TATDN2: variants seen among roughly 807,000 people sequenced by gnomAD.
The protein encoded by TATDN2 is 3'-5' RNA nuclease TATDN2.
TATDN2 carries 44 observed loss-of-function variants against 60.3 expected under a neutral mutation model. That is an observed-to-expected ratio of 0.73 (90% confidence interval 0.57 to 0.94). The LOEUF (loss-of-function observed/expected upper bound fraction) is 0.94. TATDN2 is among the 40% of genes least tolerant of loss of function. The probability of loss-of-function intolerance (pLI) is 0.00; values close to 1 mark genes in which losing one functional copy is unlikely to be tolerated. For missense variants in TATDN2, 997 were observed against 948.0 expected (o/e 1.05, Z -0.68); for synonymous variants, 399 against 355.8 (o/e 1.12, Z -1.37).
chr3:10,274,170 C>T (rs536426340), intron 4 of TATDN2, among the ~76,000 whole-genome samples: 1 of 152,248 alleles, frequency 6.6e-6, no homozygotes, highest in African/African-American at 2.4e-5. Flanking sequence ...AGGACAAATG[C>T]TGCAAATAGC....
At chr3:10,261,597 T>C (rs1441795156) in intron 3 of TATDN2, among the ~76,000 whole-genome samples, 1 of 152,170 alleles carries the variant, frequency 6.6e-6, no homozygotes, top group African/African-American at 2.4e-5. Flanking sequence ...CTCGAACTCC[T>C]GACCTCGTGA....
At chr3:10,276,543 TTGA>T in intron 5 of TATDN2, 55 bp downstream of exon 5, 3 of 1,591,692 alleles carry the variant, frequency 1.9e-6, no homozygotes, top group Non-Finnish European at 2.6e-6. Flanking sequence ...CTCTGTCAAG[TTGA>T]TGAGGACAGC....
At chr3:10,249,971 T>C (rs1235367283) in intron 2 of TATDN2, among the ~76,000 whole-genome samples, 1 of 152,136 alleles carries the variant, frequency 6.6e-6, no homozygotes. Context: ...TGCAGCCCCG[T>C]TGGAGAATCA....
At chr3:10,262,404 C>T (rs1698419450) in intron 3 of TATDN2, among the ~76,000 whole-genome samples, 1 of 151,940 alleles carries the variant, frequency 6.6e-6, no homozygotes, top group African/African-American at 2.4e-5. Context: ...TTTTGGTAAA[C>T]ATGTGTCTGA....
At chr3:10,254,405 G>C (rs983351078) in intron 2 of TATDN2, among the ~76,000 whole-genome samples, 1 of 152,192 alleles carries the variant, frequency 6.6e-6, no homozygotes, top group African/African-American at 2.4e-5. Flanking sequence ...AATGCTGCTT[G>C]TCTGGAGTGC....
rs149070309 is a variant in TATDN2 at position 10,249,410 on chromosome 3, C to T, written c.210C>T (p.Ser70=). Residue 70 remains serine, a synonymous_variant, in exon 2 of 8, where the codon TCC becomes TCT. Coordinates refer to ENST00000448281, the MANE Select transcript of TATDN2 (RefSeq NM_014760.4). ...ATGTGGCTTGCTCGCGGAGGTTATC[C>T]TGGGGCTCATCCCGCCGCAGAAATA... The part of the protein sequence containing the change: ...EDDVACSRRL[S]WGSSRRRNNS... 4,013 of 1,613,420 alleles carry T rather than the reference C, an allele frequency of 2.5e-3. 81 individuals are homozygous for T. The African/African-American group carries it at 0.046, about 18-fold the overall frequency.
chr3:10,249,575 A>G lies in TATDN2; in HGVS notation c.375A>G (p.Glu125=). The G allele has an allele frequency of 6.5e-7, 1 of 1,544,274 alleles. No homozygotes were observed. The highest frequency in any genetic ancestry group is 8.7e-7 in the Non-Finnish European group (1 of 1,147,722). ...SPLRPANASL[E]EMASLEEEAC... ...TGCGTCCTGCCAACGCCTCTTTGGA[A>G]GAAATGGCTTCTCTAGAGGAGGAAG... is the stretch of plus-strand genomic sequence containing the variant. Residue 125 remains glutamate, a synonymous_variant, in exon 2 of 8, where the codon GAA becomes GAG. Coordinates refer to ENST00000448281, the MANE Select transcript of TATDN2 (RefSeq NM_014760.4).
intron 3 of TATDN2, among the ~76,000 whole-genome samples, chr3:10,264,144 G>A (rs2125176426): frequency 6.6e-6 from 1 of 152,294 alleles, no homozygotes; most frequent in African/African-American, 2.4e-5. Flanking sequence ...AGTATGAGGA[G>A]GGAATCTGGG....
chr3:10,249,127 T>G, intron 1 of TATDN2, 60 bp downstream of exon 1: 1 of 1,473,916 alleles, frequency 6.8e-7, no homozygotes, highest in African/African-American at 1.4e-5. Context: ...GGGCCCGGGG[T>G]GGCGGGAATC....
chr3:10,253,846 C>G (rs980102093), intron 2 of TATDN2, among the ~76,000 whole-genome samples: 7 of 152,214 alleles, frequency 4.6e-5, no homozygotes, highest in African/African-American at 1.7e-4. Context: ...AATAAGCTGA[C>G]CAAGGCCATG....
Position 10,252,683 on chromosome 3 carries a change from G to C in TATDN2, c.414+3069G>C, listed in dbSNP as rs374587615. 1.1e-3 allele frequency among the ~76,000 whole-genome samples: 166 copies of C among 147,322 alleles called. 2 individuals are homozygous for C. The highest frequency in any genetic ancestry group is 3.7e-3 in the African/African-American group (152 of 40,926). ...GTCCTCTCACTGCTCTCCTGTGTCTGCTCTGTAAACTTTTTTTTTTTGTTT... is the reference window on the plus strand; with the variant it reads ...GTCCTCTCACTGCTCTCCTGTGTCTCCTCTGTAAACTTTTTTTTTTTGTTT... On this transcript the variant is annotated intron_variant, in intron 2 of 7. Coordinates refer to ENST00000448281, the MANE Select transcript of TATDN2 (RefSeq NM_014760.4).
At position 10,270,981 on chromosome 3, in the gene TATDN2, A is replaced by C. The variant is rs1383212473; in HGVS notation, c.1799A>C (p.Tyr600Ser). Residue 600 changes from tyrosine to serine, a missense_variant, in exon 4 of 8, where the codon TAC (tyrosine) becomes TCC (serine). Tyr to Ser is a moderately radical substitution (Grantham distance 144, BLOSUM62 -2). Transcript: ENST00000448281. ...GGAGAAATGGGCTTGGATTACTCTT[A>C]CAAGTGCACCACGCCTGTCCCAGAA... is the stretch of plus-strand genomic sequence containing the variant. ...AFGEMGLDYS[Y>S]KCTTPVPEQH... The C allele has an allele frequency of 3.1e-6, 5 of 1,608,008 alleles. No individual in the cohort carries two copies. The highest frequency in any genetic ancestry group is 4.2e-6 in the Non-Finnish European group (5 of 1,177,432).
At chr3:10,265,866 G>A (rs1195025652) in intron 3 of TATDN2, among the ~76,000 whole-genome samples, 6 of 152,038 alleles carry the variant, frequency 3.9e-5, no homozygotes, top group African/African-American at 1.5e-4. Flanking sequence ...CAGGGGTCTG[G>A]AGATCTTGAC....
chr3:10,249,161 T>G, intron 1 of TATDN2, 34 bp from the exon 2 acceptor site: 2 of 1,473,018 alleles, frequency 1.4e-6, no homozygotes, highest in Non-Finnish European at 1.8e-6. Flanking sequence ...CCAGGAAGGG[T>G]GGTGTTGGAA....
intron 2 of TATDN2, among the ~76,000 whole-genome samples, chr3:10,251,941 G>C (rs1010871711): frequency 4.6e-5 from 7 of 150,962 alleles, no homozygotes; most frequent in Non-Finnish European, 8.8e-5. Flanking sequence ...GAGGTCAGGA[G>C]ATTGAGACTA....
At chr3:10,275,412 G>A (rs899881844) in intron 4 of TATDN2, among the ~76,000 whole-genome samples, 1 of 152,226 alleles carries the variant, frequency 6.6e-6, no homozygotes, top group East Asian at 1.9e-4. Flanking sequence ...AAGTATATTT[G>A]TAGTTATTGA....
Position 10,278,940 on chromosome 3 carries a change from G to A in TATDN2, c.2201G>A (p.Arg734Gln). ...AHPGLALHTV[R>Q]EIARVKDQPL... ...CCGGGCCTGGCCTTGCATACGGTCC[G>A]AGAGATTGCCAGAGTCAAAGATCAG... The change falls in exon 7 of 8, where the codon CGA (arginine) becomes CAA (glutamine). Residue 734 changes from arginine to glutamine, a missense_variant. By Grantham distance (43) the Arg-to-Gln change is conservative (BLOSUM62 1). Coordinates refer to ENST00000448281, the MANE Select transcript of TATDN2 (RefSeq NM_014760.4). This position sits in a 1 kb window ranked among gnomAD's most constrained non-coding sequence, Gnocchi z 4.7. The A allele has an allele frequency of 1.9e-6, 3 of 1,613,610 alleles. No individual in the cohort carries two copies. The highest frequency in any genetic ancestry group is 1.3e-5 in the African/African-American group (1 of 75,006).
chr3:10,258,637 G>A (rs887704819), intron 2 of TATDN2, among the ~76,000 whole-genome samples: 3 of 151,848 alleles, frequency 2.0e-5, no homozygotes, highest in African/African-American at 7.3e-5. Flanking sequence ...CCTGGCTTAA[G>A]TTTTGTATTT....
chr3:10,276,777 C>T (rs1251040124), intron 5 of TATDN2, among the ~76,000 whole-genome samples: 4 of 152,090 alleles, frequency 2.6e-5, no homozygotes, highest in Admixed American at 1.3e-4. Context: ...TAAGTAGAGA[C>T]GGGGTTTTGC....
Sources: allele counts gnomAD v4.1 joint callset (sites outside exome capture counted in the v4.1 genomes callset), GRCh38; gene constraint gnomAD v4.1.1; non-coding constraint Gnocchi (gnomAD v3.1); transcripts MANE v1.5; gene names NCBI Gene and HGNC (gene_info 2026-07-23, HGNC 2026-07-21).